Variants in RPTOR observed in about 807,000 individuals in gnomAD.
RPTOR encodes regulatory-associated protein of mTOR.
In RPTOR, 21 loss-of-function variants were observed where a neutral mutation model predicts 169.9. The ratio of observed to expected loss-of-function variants is 0.12; its 90% CI spans 0.09 to 0.18. The LOEUF is 0.18. Ranked by LOEUF, RPTOR falls within the 10% of genes least tolerant of loss-of-function variation. RPTOR has a pLI of 1.00. For synonymous variants in RPTOR, 732 were observed against 753.2 expected, an observed-to-expected ratio of 0.97 and a Z score of 0.46; for missense variants, 1,133 against 1,855.9, an observed-to-expected ratio of 0.61 and a Z score of 7.16.
intron 13 of RPTOR, among the ~76,000 whole-genome samples, chr17:80,872,078 T>C (rs1387514294): frequency 5.3e-5 from 8 of 152,200 alleles, no homozygotes; most frequent in African/African-American, 1.9e-4. Flanking sequence ...GGTTGTGATA[T>C]GCAGAAAATC....
At chr17:80,593,007 C>A (rs139955790) in intron 1 of RPTOR, among the ~76,000 whole-genome samples, 1 of 152,228 alleles carries the variant, frequency 6.6e-6, no homozygotes, top group East Asian at 1.9e-4. Context: ...AAATCTGGGC[C>A]CTTCTGCACG....
At chr17:80,828,398 C>A (rs72856006) in intron 9 of RPTOR, among the ~76,000 whole-genome samples, 1 of 152,156 alleles carries the variant, frequency 6.6e-6, no homozygotes, top group Non-Finnish European at 1.5e-5. Context: ...GTTTTCCCTC[C>A]AGCTGGACAT....
At chr17:80,830,045 T>C (rs1458256359) in intron 9 of RPTOR, among the ~76,000 whole-genome samples, 1 of 152,144 alleles carries the variant, frequency 6.6e-6, no homozygotes, top group African/African-American at 2.4e-5. Flanking sequence ...ATGTAAAAAT[T>C]GGGCTTTAGA....
intron 1 of RPTOR, among the ~76,000 whole-genome samples, chr17:80,606,185 T>C (rs535606177): frequency 6.6e-6 from 1 of 152,236 alleles, no homozygotes; most frequent in Non-Finnish European, 1.5e-5. Context: ...CTAATTTTTG[T>C]ATTTTCAGTA....
At chr17:80,769,289 T>C (rs2066818403) in intron 6 of RPTOR, among the ~76,000 whole-genome samples, 1 of 152,264 alleles carries the variant, frequency 6.6e-6, no homozygotes. Flanking sequence ...TTATTTGTAC[T>C]GCTAAGTAAA....
At chr17:80,575,633 C>T (rs1449780673) in intron 1 of RPTOR, among the ~76,000 whole-genome samples, 4 of 152,144 alleles carry the variant, frequency 2.6e-5, no homozygotes, top group African/African-American at 4.8e-5. Context: ...TAGGCCCGTG[C>T]GTGGTCAGTT....
chr17:80,897,584 A>G, intron 20 of RPTOR, among the ~76,000 whole-genome samples: 1 of 152,210 alleles, frequency 6.6e-6, no homozygotes, highest in East Asian at 1.9e-4. Flanking sequence ...TTCTGGGGGC[A>G]CCCAGCGTGG....
intron 7 of RPTOR, among the ~76,000 whole-genome samples, chr17:80,800,944 G>A (rs886875520): frequency 9.2e-5 from 14 of 152,238 alleles, no homozygotes; most frequent in Admixed American, 8.5e-4. Context: ...GAGTCTCTGT[G>A]TGCTGCTGCT....
chr17:80,698,259 G>A (rs543613445), intron 3 of RPTOR, among the ~76,000 whole-genome samples: 129 of 152,284 alleles, frequency 8.5e-4, no homozygotes, highest in Non-Finnish European at 1.5e-3. Flanking sequence ...AGGCCAGTGC[G>A]GGCGCACCAG....
At chr17:80,571,674 C>T (rs1009139667) in intron 1 of RPTOR, among the ~76,000 whole-genome samples, 3 of 152,052 alleles carry the variant, frequency 2.0e-5, no homozygotes, top group Admixed American at 1.3e-4. Flanking sequence ...GTGCACACCA[C>T]CACACCAAGC....
chr17:80,961,954 C>G (rs1457203715), intron 31 of RPTOR, among the ~76,000 whole-genome samples: 2 of 152,216 alleles, frequency 1.3e-5, no homozygotes, highest in Non-Finnish European at 2.9e-5. Context: ...AAGAGATGCT[C>G]TTTTCCCCCT....
At chr17:80,950,486 T>C (rs1445904998) in intron 28 of RPTOR, among the ~76,000 whole-genome samples, 4 of 151,888 alleles carry the variant, frequency 2.6e-5, no homozygotes, top group Admixed American at 2.6e-4. Context: ...AGGGTGGACA[T>C]TGCCTCGAAC....
chr17:80,684,045 T>C (rs1038688884), intron 3 of RPTOR, among the ~76,000 whole-genome samples: 8 of 152,178 alleles, frequency 5.3e-5, no homozygotes, highest in Non-Finnish European at 1.0e-4. Context: ...ACAAACTTTC[T>C]CACGTGAATT....
Position 80,688,018 on chromosome 17 carries a change from C to T in RPTOR, c.349-19823C>T, listed in dbSNP as rs112301309. On this transcript the variant is annotated intron_variant, in intron 3 of 33. Transcript: ENST00000306801. ...GCTAGCTTCACACTGGCCACACCCA[C>T]CTCCACTCAGCAGTCTCCATGCTGT... Among the ~76,000 whole-genome samples the T allele has an allele frequency of 2.4e-3, 361 of 152,302 alleles. 2 individuals are homozygous for T. The highest frequency in any genetic ancestry group is 8.3e-3 in the African/African-American group (344 of 41,558).
chr17:80,869,160 T>TA (rs2068025013), intron 13 of RPTOR, among the ~76,000 whole-genome samples: 4 of 152,198 alleles, frequency 2.6e-5, no homozygotes, highest in African/African-American at 9.7e-5. Context: ...GATTTTATTT[T>TA]GTTTTTTTAT....
At position 80,774,123 on chromosome 17, in the gene RPTOR, T is replaced by C. The variant is rs536888707; in HGVS notation, c.831-17327T>C. On this transcript the variant is annotated intron_variant, in intron 6 of 33. Transcript: ENST00000306801. ...AAGTTTTTAAAAGGCTCCTCTCCTG[T>C]TGGTGTGACTCGAGGGCGCTGTGAC... 3 of 985,390 alleles carry C rather than the reference T, an allele frequency of 3.0e-6. No individual in the cohort carries two copies. In the South Asian group the frequency reaches 1.4e-4, roughly 46 times the overall value. The allele number at this position is 985,390 out of a possible 1,614,324, so 61.0% of individuals were successfully genotyped here.
At chr17:80,549,821 C>A (rs983121465) in intron 1 of RPTOR, among the ~76,000 whole-genome samples, 12 of 152,208 alleles carry the variant, frequency 7.9e-5, no homozygotes, top group African/African-American at 2.9e-4. Context: ...GCATGTAGCA[C>A]CCCTGGCAGA....
In RPTOR at chr17:80,743,962, C is replaced by G. The variant is rs375901033; in HGVS notation, c.655-10048C>G. ...ACTAGCACAGCCCTGGCTACTAGCA[C>G]AGCCCTGGCTACTAGCACTGTCCTG... On this transcript the variant is annotated intron_variant, in intron 5 of 33. Coordinates refer to ENST00000306801, the MANE Select transcript of RPTOR (RefSeq NM_020761.3). 5.4e-4 allele frequency among the ~76,000 whole-genome samples: 19 copies of G among 35,510 alleles called. 2 individuals carry two copies. Among genetic ancestry groups the G allele is most frequent in the African/African-American group, 1.2e-3 (8 of 6,944 alleles). The allele number at this position is 35,510 out of a possible 152,430, so 23.3% of individuals were successfully genotyped here. A position where few individuals can be genotyped will look rare whatever the true frequency, so the allele number is the denominator to read the frequency against.
chr17:80,650,244 C>T (rs1322850500), intron 3 of RPTOR, among the ~76,000 whole-genome samples: 5 of 152,186 alleles, frequency 3.3e-5, no homozygotes, highest in Admixed American at 6.5e-5. Context: ...TCTTGCTCTC[C>T]GAGGCCACCT....
Sources: allele counts gnomAD v4.1 joint callset (sites outside exome capture counted in the v4.1 genomes callset), GRCh38; gene constraint gnomAD v4.1.1; transcripts MANE v1.5; gene names NCBI Gene and HGNC (gene_info 2026-07-23, HGNC 2026-07-21).